ASAP1: variants seen among roughly 807,000 people sequenced by gnomAD.
ASAP1 encodes the protein ArfGAP with SH3 domain, ankyrin repeat and PH domain 1.
Under a neutral mutation model 145.2 loss-of-function variants are expected in ASAP1, and 43 were observed. That is an observed-to-expected ratio of 0.30 (90% CI 0.23 to 0.38). The LOEUF is 0.38. ASAP1 is among the 10% of genes least tolerant of loss of function. ASAP1 has a pLI of 1.00. For synonymous variants in ASAP1, 546 were observed against 515.5 expected (o/e 1.06, Z -0.80); for missense variants, 1,018 against 1,355.3 (o/e 0.75, Z 3.91).
At chr8:130,262,213 C>G (rs1047156444) in intron 3 of ASAP1, among the ~76,000 whole-genome samples, 4 of 151,246 alleles carry the variant, frequency 2.6e-5, no homozygotes, top group Admixed American at 2.6e-4. Context: ...TGGCCAAGAT[C>G]ATGAAACCCT....
intron 18 of ASAP1, 170 bp from the exon 19 acceptor site, chr8:130,118,845 G>C: frequency 2.4e-6 from 1 of 414,092 alleles, no homozygotes; most frequent in East Asian, 3.6e-5. Flanking sequence ...ACAGAATAAA[G>C]AAAATAATAT....
intron 24 of ASAP1, among the ~76,000 whole-genome samples, chr8:130,098,447 G>A (rs545500258): frequency 1.3e-5 from 2 of 152,162 alleles, no homozygotes; most frequent in Admixed American, 6.5e-5. Context: ...GGGTTCAAGC[G>A]ATTCTCCTGT....
intron 25 of ASAP1, among the ~76,000 whole-genome samples, chr8:130,081,296 G>C (rs1023556195): frequency 5.3e-5 from 8 of 152,154 alleles, no homozygotes; most frequent in Non-Finnish European, 1.2e-4. Context: ...CAATAAATGA[G>C]GGCTCTTCTA....
chr8:130,168,477 T>G (rs771215159), intron 10 of ASAP1, among the ~76,000 whole-genome samples: 32 of 152,282 alleles, frequency 2.1e-4, no homozygotes, highest in Non-Finnish European at 4.1e-4. Flanking sequence ...AAACCCCATC[T>G]GTACCAAAAG....
intron 13 of ASAP1, among the ~76,000 whole-genome samples, chr8:130,139,648 G>A (rs890158649): frequency 5.9e-5 from 9 of 151,882 alleles, no homozygotes; most frequent in Non-Finnish European, 1.0e-4. Flanking sequence ...AGAATCACTT[G>A]AGCCTGACAG....
intron 5 of ASAP1, among the ~76,000 whole-genome samples, chr8:130,196,037 G>A (rs796253905): frequency 8.5e-5 from 13 of 152,314 alleles, no homozygotes; most frequent in African/African-American, 3.1e-4. Flanking sequence ...AGATCCCAAA[G>A]AAGGAATCAA....
chr8:130,188,060 AAATT>A, intron 6 of ASAP1, 45 bp downstream of exon 6: 1 of 1,403,068 alleles, frequency 7.1e-7, no homozygotes, highest in Non-Finnish European at 1.0e-6. Flanking sequence ...AGGAAAAAAA[AAATT>A]AATCCTTTCA....
chr8:130,272,625 T>G (rs1820654701), intron 3 of ASAP1, among the ~76,000 whole-genome samples: 1 of 152,114 alleles, frequency 6.6e-6, no homozygotes, highest in Admixed American at 6.5e-5. Context: ...GATAAATGGA[T>G]AAAGAAGATG....
At chr8:130,374,314 T>A (rs1827374182) in intron 2 of ASAP1, among the ~76,000 whole-genome samples, 1 of 152,252 alleles carries the variant, frequency 6.6e-6, no homozygotes, top group Non-Finnish European at 1.5e-5. Context: ...CGTATGTGAA[T>A]CTTCATTGTT....
chr8:130,092,386 G>C (rs12677139), intron 24 of ASAP1, among the ~76,000 whole-genome samples: 1 of 152,000 alleles, frequency 6.6e-6, no homozygotes, highest in Non-Finnish European at 1.5e-5. Context: ...CTGCACTGTA[G>C]AAAGCTGAGG....
At chr8:130,271,680 G>C (rs998520648) in intron 3 of ASAP1, among the ~76,000 whole-genome samples, 1 of 152,116 alleles carries the variant, frequency 6.6e-6, no homozygotes, top group Non-Finnish European at 1.5e-5. Context: ...AACTATAAAC[G>C]ATGGGCTGAT....
chr8:130,203,594 G>A (rs1044959083), intron 5 of ASAP1, among the ~76,000 whole-genome samples: 4 of 152,180 alleles, frequency 2.6e-5, no homozygotes, highest in African/African-American at 4.8e-5. Context: ...AATCTGAATC[G>A]GCTAGGAAGA....
In ASAP1 at chr8:130,151,279, G is replaced by GA. The variant is rs557382129; in HGVS notation, c.1080+1456dup. 7.1e-3 allele frequency among the ~76,000 whole-genome samples: 1,044 copies of GA among 146,336 alleles called. 14 individuals are homozygous for GA. The highest frequency in any genetic ancestry group is 0.025 in the African/African-American group (1,002 of 39,814). Reference sequence around the variant, plus strand: ...CCAGCTACTCAAGAGGCTGAGGCAGGAGACTCGCTTGAACCTGGGAGATGG... The same window carrying GA: ...CCAGCTACTCAAGAGGCTGAGGCAGGAAGACTCGCTTGAACCTGGGAGATGG... On this transcript the variant is annotated intron_variant, in intron 13 of 29. Coordinates refer to ENST00000518721, the MANE Select transcript of ASAP1 (RefSeq NM_018482.4).
chr8:130,441,326 G>A (rs1404541951), intron 1 of ASAP1, among the ~76,000 whole-genome samples: 1 of 152,166 alleles, frequency 6.6e-6, no homozygotes, highest in Non-Finnish European at 1.5e-5. Context: ...TTCTTAGGAG[G>A]TAACATGTCT....
intron 3 of ASAP1, among the ~76,000 whole-genome samples, chr8:130,294,148 A>G (rs1822114927): frequency 6.6e-6 from 1 of 152,214 alleles, no homozygotes; most frequent in South Asian, 2.1e-4. Context: ...TCAACCAGAG[A>G]GAGAGGGCAT....
At chr8:130,375,057 A>C (rs1367437294) in intron 2 of ASAP1, among the ~76,000 whole-genome samples, 1 of 152,096 alleles carries the variant, frequency 6.6e-6, no homozygotes, top group Non-Finnish European at 1.5e-5. Flanking sequence ...TTGCACATTT[A>C]TGGCTCCGGT....
At chr8:130,079,363 C>T (rs950304558) in intron 26 of ASAP1, among the ~76,000 whole-genome samples, 7 of 151,820 alleles carry the variant, frequency 4.6e-5, no homozygotes, top group Non-Finnish European at 8.8e-5. Context: ...TAAGAGATCT[C>T]CTCAAGTATA....
chr8:130,287,151 A>T (rs920767454), intron 3 of ASAP1, among the ~76,000 whole-genome samples: 3 of 149,786 alleles, frequency 2.0e-5, no homozygotes, highest in African/African-American at 7.3e-5. Context: ...AGCTGACTAC[A>T]TATCACCAAG....
At chr8:130,197,146 C>T (rs1203402289) in intron 5 of ASAP1, among the ~76,000 whole-genome samples, 2 of 152,208 alleles carry the variant, frequency 1.3e-5, no homozygotes, top group East Asian at 1.9e-4. Flanking sequence ...CTGACACCAA[C>T]GGGCCAGGTG....
Sources: gnomAD v4.1 joint callset for allele counts (sites outside exome capture counted in the v4.1 genomes callset) on GRCh38, gnomAD v4.1.1 for gene constraint, MANE v1.5 for transcripts, NCBI Gene and HGNC (gene_info 2026-07-23, HGNC 2026-07-21) for gene names.